PKN2: variants seen among roughly 807,000 people sequenced by gnomAD.
PKN2 encodes the protein serine/threonine-protein kinase N2.
PKN2 carries 38 observed loss-of-function variants against 119.1 expected under a neutral mutation model. The ratio of observed to expected loss-of-function variants is 0.32; its 90% CI spans 0.25 to 0.42. The LOEUF (loss-of-function observed/expected upper bound fraction) is 0.42, where lower values mean the gene tolerates loss of function less well. Ranked by LOEUF, PKN2 falls within the 10% of genes least tolerant of loss-of-function variation. PKN2 has a pLI of 1.00. For synonymous variants in PKN2, 390 were observed against 384.9 expected, an observed-to-expected ratio of 1.01 and a Z score of -0.15; for missense variants, 850 against 1,165.1, an observed-to-expected ratio of 0.73 and a Z score of 3.94.
At chr1:88,793,429 A>G (rs1670929579) in intron 8 of PKN2, among the ~76,000 whole-genome samples, 1 of 152,182 alleles carries the variant, frequency 6.6e-6, no homozygotes, top group Non-Finnish European at 1.5e-5. Flanking sequence ...AAATCCACGT[A>G]TAAGTCGACC....
Position 88,784,736 on chromosome 1 carries a change from A to C in PKN2, c.1083A>C (p.Pro361=). 6.2e-7 allele frequency: 1 copy of C among 1,612,728 alleles called. No individual in the cohort carries two copies. The highest frequency in any genetic ancestry group is 1.1e-5 in the South Asian group (1 of 90,974). The change falls in exon 7 of 22, where the codon CCA becomes CCC. Residue 361 remains proline (P), a synonymous_variant. Transcript: ENST00000370521. ...ATSVALPGWS[P]SETRSSFMSR... ...CAGTTGCACTGCCTGGTTGGAGTCC[A>C]AGTGAAACCAGATCATCTTTCATGA...
At chr1:88,806,134 G>T in intron 12 of PKN2, 117 bp downstream of exon 12, 2 of 922,590 alleles carry the variant, frequency 2.2e-6, no homozygotes, top group South Asian at 1.6e-5. Context: ...GTGAATTTAT[G>T]GTTTTTTGTT....
chr1:88,730,058 C>G (rs373395428), intron 1 of PKN2, among the ~76,000 whole-genome samples: 2 of 151,492 alleles, frequency 1.3e-5, no homozygotes, highest in African/African-American at 2.4e-5. Flanking sequence ...CCAGCTACTC[C>G]GGAGGCTGAG....
intron 1 of PKN2, among the ~76,000 whole-genome samples, chr1:88,736,723 C>T (rs1011860360): frequency 2.0e-5 from 3 of 152,156 alleles, no homozygotes; most frequent in Admixed American, 2.0e-4. Flanking sequence ...GTTTATTCCC[C>T]ATTCAAAGCC....
chr1:88,771,321 A>G, intron 4 of PKN2, 100 bp from the exon 5 acceptor site: 1 of 783,198 alleles, frequency 1.3e-6, no homozygotes. Context: ...GGACTAAGTT[A>G]TTGTAATGTT....
intron 3 of PKN2, among the ~76,000 whole-genome samples, chr1:88,761,709 G>A (rs1669450490): frequency 6.6e-6 from 1 of 150,684 alleles, no homozygotes; most frequent in African/African-American, 2.4e-5. Context: ...ATGAACATTA[G>A]ATTTTATGTT....
Position 88,694,962 on chromosome 1 carries a change from C to T in PKN2, c.48+10334C>T, listed in dbSNP as rs1016128964. Among the ~76,000 whole-genome samples the T allele has an allele frequency of 2.6e-5, 4 of 152,086 alleles. No individual in the cohort carries two copies. The East Asian group carries it at 7.7e-4, about 29-fold the overall frequency. Reference sequence around the variant, plus strand: ...AGATCACAGTGAAACCCCGTCTGTACTAAAAATACAAAAAATTAGCCGGGC... The same window carrying T: ...AGATCACAGTGAAACCCCGTCTGTATTAAAAATACAAAAAATTAGCCGGGC... On this transcript the variant is annotated intron_variant, in intron 1 of 21. Transcript: ENST00000370521.
chr1:88,828,445 C>G, intron 18 of PKN2, 36 bp from the exon 19 acceptor site: 1 of 1,536,310 alleles, frequency 6.5e-7, no homozygotes, highest in Non-Finnish European at 8.9e-7. Context: ...GATTTGTTTT[C>G]TTTGCTAACA....
At chr1:88,696,959 A>G (rs1666564373) in intron 1 of PKN2, among the ~76,000 whole-genome samples, 1 of 152,150 alleles carries the variant, frequency 6.6e-6, no homozygotes, top group Admixed American at 6.5e-5. Flanking sequence ...TTTTAAGAAT[A>G]CTAATATTGC....
chr1:88,789,096 A>G lies in PKN2; in HGVS notation c.1281+2883A>G, dbSNP rs113926681. On this transcript the variant is annotated intron_variant, in intron 8 of 21. Transcript: ENST00000370521. ...TTTCAGTGTTGTTAAGAGCAGAACT[A>G]TAGAAAATGTCGACCGATCACTGGG... 1.1e-4 allele frequency among the ~76,000 whole-genome samples: 17 copies of G among 152,308 alleles called. No homozygotes were observed. In the East Asian group the frequency reaches 3.1e-3, roughly 28 times the overall value.
intron 8 of PKN2, among the ~76,000 whole-genome samples, chr1:88,801,697 G>C (rs927691773): frequency 2.0e-5 from 3 of 152,224 alleles, no homozygotes; most frequent in African/African-American, 7.2e-5. Context: ...GATAATCGGT[G>C]CCGTGAAGAA....
intron 1 of PKN2, among the ~76,000 whole-genome samples, chr1:88,727,783 C>A (rs1570540883): frequency 6.6e-6 from 1 of 152,054 alleles, no homozygotes; most frequent in East Asian, 1.9e-4. Context: ...GTGAAGTGTA[C>A]AAATCTTCCA....
At chr1:88,821,676 C>G (rs1365365537) in intron 16 of PKN2, among the ~76,000 whole-genome samples, 1 of 152,128 alleles carries the variant, frequency 6.6e-6, no homozygotes, top group Non-Finnish European at 1.5e-5. Flanking sequence ...ATTGTAATTC[C>G]TCCTGCAGAA....
rs1007564538 is a variant in PKN2 at position 88,832,146 on chromosome 1, C to G, written c.2563-598C>G. ...TTTTGTTGGCAGCTGCTTCTTAATA[C>G]AGTCATTATGCTTGCTAATCCATGA... On this transcript the variant is annotated intron_variant, in intron 19 of 21. Transcript: ENST00000370521. 5.9e-5 allele frequency among the ~76,000 whole-genome samples: 9 copies of G among 151,962 alleles called. No individual in the cohort carries two copies. The South Asian group carries it at 8.3e-4, about 14-fold the overall frequency.
chr1:88,747,077 T>C (rs748962253), intron 2 of PKN2, among the ~76,000 whole-genome samples: 2 of 152,122 alleles, frequency 1.3e-5, no homozygotes, highest in Non-Finnish European at 2.9e-5. Context: ...AAGAGAATGC[T>C]GATTACCAGA....
At chr1:88,758,062 A>AAAAAAAG (rs539880214) in intron 2 of PKN2, among the ~76,000 whole-genome samples, 16 of 144,142 alleles carry the variant, frequency 1.1e-4, no homozygotes, top group African/African-American at 3.0e-4. Context: ...AAAAAAAAAA[A>AAAAAAAG]AGAAGTGTTT....
rs776316741 is a variant in PKN2 at position 88,741,008 on chromosome 1, G to A, written c.69G>A (p.Pro23=). The A allele has an allele frequency of 5.1e-6, 8 of 1,569,392 alleles. No homozygotes were observed. The highest frequency in any genetic ancestry group is 4.5e-5 in the East Asian group (2 of 44,280). ...TGTAGGGGGATTCCCGAAGTCTTCC[G>A]TTTTCTGAGAATGTGAGTGCTGTTC... ...TELQGDSRSL[P]FSENVSAVQK... Residue 23 remains proline (P), a synonymous_variant, in exon 2 of 22, where the codon CCG becomes CCA. Transcript: ENST00000370521.
In PKN2 at chr1:88,835,626, T is replaced by C. The variant is rs1264531975; in HGVS notation, c.*2178T>C. ...GAGTGTAAATATATTTTGCTATTACTGTATGTGTATGTGACTGCTCAAGCA... is the reference window on the plus strand; with the variant it reads ...GAGTGTAAATATATTTTGCTATTACCGTATGTGTATGTGACTGCTCAAGCA... On this transcript the variant is annotated 3_prime_UTR_variant, in exon 22 of 22. Coordinates refer to ENST00000370521, the MANE Select transcript of PKN2 (RefSeq NM_006256.4). The C allele has an allele frequency of 1.3e-5, 2 of 152,320 alleles. No homozygotes were observed. The highest frequency in any genetic ancestry group is 4.8e-5 in the African/African-American group (2 of 41,288). 9.4% of individuals were successfully genotyped at this position (152,320 alleles called of 1,614,324 possible).
intron 1 of PKN2, among the ~76,000 whole-genome samples, chr1:88,738,966 C>T (rs182068277): frequency 2.3e-3 from 351 of 152,238 alleles, no homozygotes; most frequent in Non-Finnish European, 4.4e-3. Context: ...GACTTATATT[C>T]CATTATAAAT....
Sources: gnomAD v4.1 joint callset for allele counts (sites outside exome capture counted in the v4.1 genomes callset) on GRCh38, gnomAD v4.1.1 for gene constraint, MANE v1.5 for transcripts, NCBI Gene and HGNC (gene_info 2026-07-23, HGNC 2026-07-21) for gene names.